The following LARGE1 variants were observed in gnomAD, a reference collection of about 807,000 sequenced individuals.
LARGE1 encodes xylosyl- and glucuronyltransferase LARGE1.
Under a neutral mutation model 87.6 loss-of-function variants are expected in LARGE1, and 43 were observed. The ratio of observed to expected loss-of-function variants is 0.49; its 90% CI spans 0.38 to 0.63. The LOEUF (loss-of-function observed/expected upper bound fraction) is 0.63. Among genes scored for constraint, LARGE1 ranks in the 30% least tolerant of loss-of-function variants. The probability of loss-of-function intolerance (pLI) is 0.00; values close to 1 mark genes in which losing one functional copy is unlikely to be tolerated. For synonymous variants in LARGE1, 434 were observed against 394.6 expected, an observed-to-expected ratio of 1.10 and a Z score of -1.18; for missense variants, 802 against 1,000.2, an observed-to-expected ratio of 0.80 and a Z score of 2.67.
At chr22:33,794,690 G>T (rs925236581) in intron 1 of LARGE1, among the ~76,000 whole-genome samples, 2 of 81,482 alleles carry the variant, frequency 2.5e-5, no homozygotes, top group African/African-American at 5.1e-5. Flanking sequence ...GCACGATCTC[G>T]GCTCACTGCA....
At chr22:33,558,159 T>C (rs75885488) in intron 6 of LARGE1, among the ~76,000 whole-genome samples, 11,853 of 152,188 alleles carry the variant, frequency 0.078, 686 homozygotes, top group African/African-American at 0.16. Context: ...AATCTGTCCA[T>C]GTTGAGCCCT....
At chr22:33,523,530 C>A (rs142154186) in intron 6 of LARGE1, among the ~76,000 whole-genome samples, 9 of 152,310 alleles carry the variant, frequency 5.9e-5, no homozygotes, top group African/African-American at 1.9e-4. Context: ...GAATCGCAAA[C>A]ATTTTCCTCT....
the LARGE1 span, among the ~76,000 whole-genome samples, chr22:33,140,545 C>A: frequency 6.6e-6 from 1 of 152,204 alleles, no homozygotes; most frequent in African/African-American, 2.4e-5. Flanking sequence ...GTCCTCTAAT[C>A]AGCTGCCAGC....
At chr22:33,212,128 C>T (rs1451312669) in intron 11 of LARGE1, among the ~76,000 whole-genome samples, 1 of 151,936 alleles carries the variant, frequency 6.6e-6, no homozygotes, top group Non-Finnish European at 1.5e-5. Flanking sequence ...ATGAAGGTGG[C>T]TCCACTAAAC....
At chr22:33,632,845 T>C (rs983461344) in intron 3 of LARGE1, among the ~76,000 whole-genome samples, 1 of 152,240 alleles carries the variant, frequency 6.6e-6, no homozygotes, top group African/African-American at 2.4e-5. Flanking sequence ...ATTTTATTTA[T>C]ACTTTTTAAA....
chr22:33,722,356 GGA>G (rs1226141869), intron 2 of LARGE1, among the ~76,000 whole-genome samples: 1 of 149,232 alleles, frequency 6.7e-6, no homozygotes, highest in Non-Finnish European at 1.5e-5. Flanking sequence ...GGAGGGAGAG[GGA>G]GAGAGAAGAA....
At chr22:33,771,861 A>C (rs566211396) in intron 1 of LARGE1, among the ~76,000 whole-genome samples, 1 of 152,230 alleles carries the variant, frequency 6.6e-6, no homozygotes, top group South Asian at 2.1e-4. Context: ...TCAGTTCCTC[A>C]CTCAAACAGC....
chr22:33,388,750 A>G (rs1391554716), intron 7 of LARGE1, among the ~76,000 whole-genome samples: 1 of 152,134 alleles, frequency 6.6e-6, no homozygotes, highest in Non-Finnish European at 1.5e-5. Flanking sequence ...TATTTTTAAT[A>G]GAGATGGGGT....
chr22:33,464,095 T>C (rs1286954570), intron 6 of LARGE1, among the ~76,000 whole-genome samples: 1 of 152,208 alleles, frequency 6.6e-6, no homozygotes, highest in East Asian at 1.9e-4. Flanking sequence ...CACAATGTAG[T>C]ATTGACTTAG....
chr22:33,446,452 T>C (rs2067689759), intron 6 of LARGE1, among the ~76,000 whole-genome samples: 1 of 152,140 alleles, frequency 6.6e-6, no homozygotes, highest in Non-Finnish European at 1.5e-5. Flanking sequence ...GGTGGTTTTG[T>C]GGGATGGAGC....
intron 1 of LARGE1, among the ~76,000 whole-genome samples, chr22:33,818,256 T>A (rs1455116477): frequency 6.6e-6 from 1 of 152,206 alleles, no homozygotes; most frequent in Non-Finnish European, 1.5e-5. Flanking sequence ...AGGGCATGGG[T>A]TAAAATCCGA....
the LARGE1 span, among the ~76,000 whole-genome samples, chr22:33,141,812 A>C: frequency 6.6e-6 from 1 of 152,280 alleles, no homozygotes; most frequent in East Asian, 1.9e-4. Context: ...TTGTCTGCTA[A>C]ATCTAATACC....
chr22:33,500,078 A>T (rs2070355834), intron 6 of LARGE1, among the ~76,000 whole-genome samples: 1 of 152,160 alleles, frequency 6.6e-6, no homozygotes, highest in South Asian at 2.1e-4. Context: ...ACTGGACTAA[A>T]ATATGTAATT....
intron 11 of LARGE1, among the ~76,000 whole-genome samples, chr22:33,172,278 T>C (rs993401242): frequency 4.6e-5 from 7 of 152,228 alleles, no homozygotes; most frequent in African/African-American, 1.4e-4. Flanking sequence ...TTGTCTCAGA[T>C]GAGACTTTGG....
the LARGE1 span, among the ~76,000 whole-genome samples, chr22:33,077,060 A>G: frequency 6.6e-6 from 1 of 152,198 alleles, no homozygotes; most frequent in African/African-American, 2.4e-5. Flanking sequence ...TGCTATGAGG[A>G]TCAAAAGAGT....
intron 1 of LARGE1, among the ~76,000 whole-genome samples, chr22:33,842,261 C>T (rs960105532): frequency 6.6e-6 from 1 of 152,046 alleles, no homozygotes; most frequent in Non-Finnish European, 1.5e-5. Context: ...ATTCGCAACT[C>T]GAAAATGACA....
chr22:33,312,305 G>C (rs375111030), intron 11 of LARGE1, among the ~76,000 whole-genome samples: 103 of 152,250 alleles, frequency 6.8e-4, no homozygotes, highest in African/African-American at 2.2e-3. Flanking sequence ...GCTGGGCCTG[G>C]TGGTGCGCGC....
intron 1 of LARGE1, among the ~76,000 whole-genome samples, chr22:33,784,904 A>G (rs904311654): frequency 1.6e-5 from 2 of 122,082 alleles, no homozygotes; most frequent in African/African-American, 6.2e-5. Context: ...TATACTGTAT[A>G]TTATATGTGT....
chr22:33,615,125 ACTT>A (rs919420635), intron 4 of LARGE1, among the ~76,000 whole-genome samples: 7 of 152,052 alleles, frequency 4.6e-5, no homozygotes, highest in African/African-American at 1.2e-4. Flanking sequence ...TCGACTATTT[ACTT>A]CTTCTTTGTT....
Sources: allele counts gnomAD v4.1 joint callset (sites outside exome capture counted in the v4.1 genomes callset), GRCh38; gene constraint gnomAD v4.1.1; transcripts MANE v1.5; gene names NCBI Gene and HGNC (gene_info 2026-07-23, HGNC 2026-07-21).